Variants in EREG observed in about 807,000 individuals in gnomAD.
The protein encoded by EREG is epiregulin.
In EREG, 23 loss-of-function variants were observed where a neutral mutation model predicts 22.4. That is an observed-to-expected ratio of 1.03 (90% CI 0.74 to 1.46). The LOEUF (loss-of-function observed/expected upper bound fraction) is 1.46. EREG is among the 40% of genes most tolerant of loss of function. EREG has a pLI of 0.00. For synonymous variants in EREG, 100 were observed against 75.4 expected (o/e 1.33, Z -1.69); for missense variants, 226 against 205.9 (o/e 1.10, Z -0.60).
chr4:74,372,620 G>A (rs1752309320), intron 1 of EREG, among the ~76,000 whole-genome samples: 2 of 152,066 alleles, frequency 1.3e-5, no homozygotes. Flanking sequence ...AGGGAGTCAA[G>A]GTAGAAAAGG....
intron 1 of EREG, among the ~76,000 whole-genome samples, chr4:74,368,609 G>A (rs992842467): frequency 1.3e-5 from 2 of 152,112 alleles, no homozygotes; most frequent in African/African-American, 2.4e-5. Flanking sequence ...GAATTTGAAT[G>A]TTTTCTGTCT....
At chr4:74,371,725 A>T (rs142691348) in intron 1 of EREG, among the ~76,000 whole-genome samples, 4 of 152,316 alleles carry the variant, frequency 2.6e-5, no homozygotes, top group African/African-American at 9.6e-5. Context: ...CCTCAAAAAT[A>T]TAAATAGGTA....
At chr4:74,367,884 G>A (rs986946082) in intron 1 of EREG, among the ~76,000 whole-genome samples, 1 of 152,204 alleles carries the variant, frequency 6.6e-6, no homozygotes, top group African/African-American at 2.4e-5. Flanking sequence ...AAATCCAGGA[G>A]TTGAGAAGAA....
At chr4:74,377,411 A>T (rs757490344) in intron 1 of EREG, among the ~76,000 whole-genome samples, 3 of 152,150 alleles carry the variant, frequency 2.0e-5, no homozygotes, top group Non-Finnish European at 4.4e-5. Context: ...CCTATTTCCA[A>T]ATTCTATAAA....
chr4:74,378,499 C>T (rs532756715), intron 1 of EREG, among the ~76,000 whole-genome samples: 18 of 152,060 alleles, frequency 1.2e-4, no homozygotes, highest in Non-Finnish European at 1.6e-4. Context: ...TTCTGAAATT[C>T]GTTATTCCCC....
In EREG at chr4:74,387,475, T is replaced by C. The variant is rs1752588510; in HGVS notation, c.*2667T>C. The C allele has an allele frequency of 1.3e-5, 2 of 152,236 alleles. No individual in the cohort carries two copies. Among genetic ancestry groups the C allele is most frequent in the Non-Finnish European group, 2.9e-5 (2 of 68,044 alleles). 9.4% of individuals were successfully genotyped at this position (152,236 alleles called of 1,614,324 possible). Reference sequence around the variant, plus strand: ...AAACAAGTCATTTTTGTATTTTTCATCTTTAAGAATGCTTAAAAAAGCTAA... The same window carrying C: ...AAACAAGTCATTTTTGTATTTTTCACCTTTAAGAATGCTTAAAAAAGCTAA... On this transcript the variant is annotated 3_prime_UTR_variant, in exon 5 of 5. Coordinates refer to ENST00000244869, the MANE Select transcript of EREG (RefSeq NM_001432.3).
At chr4:74,384,667 C>A (rs1289197879) in intron 4 of EREG, 60 bp from the exon 5 acceptor site, 4 of 939,202 alleles carry the variant, frequency 4.3e-6, no homozygotes, top group Non-Finnish European at 5.2e-6. Flanking sequence ...CCATATATAA[C>A]ACACTTGTTC....
In EREG at chr4:74,374,938, T is replaced by G. The variant is rs190363531; in HGVS notation, c.68-4510T>G. Among the ~76,000 whole-genome samples, 109 of 152,314 alleles carry G rather than the reference T, an allele frequency of 7.2e-4. 3 individuals carry two copies. In the East Asian group the frequency reaches 0.013, roughly 18 times the overall value. ...CAATGACCTCTGAATGCATTTCCAT[T>G]TTTGCAGCTGTATTGTAAAAGAAGC... On this transcript the variant is annotated intron_variant, in intron 1 of 4. Coordinates refer to ENST00000244869, the MANE Select transcript of EREG (RefSeq NM_001432.3).
intron 1 of EREG, among the ~76,000 whole-genome samples, chr4:74,368,281 T>G (rs1421497976): frequency 6.6e-6 from 1 of 152,192 alleles, no homozygotes; most frequent in East Asian, 1.9e-4. Context: ...TATGTTGAAT[T>G]TTTACTTAAT....
chr4:74,378,111 C>T (rs57933408), intron 1 of EREG, among the ~76,000 whole-genome samples: 11,198 of 152,212 alleles, frequency 0.074, 706 homozygotes, highest in African/African-American at 0.17. Flanking sequence ...TTCAACGAAA[C>T]AGGTTGATTC....
intron 1 of EREG, among the ~76,000 whole-genome samples, chr4:74,377,212 A>G (rs938393494): frequency 2.0e-5 from 3 of 151,946 alleles, no homozygotes; most frequent in Admixed American, 6.6e-5. Context: ...CCAAAAATCT[A>G]TAAGATAGGA....
Position 74,379,860 on chromosome 4 carries a change from C to CA in EREG, c.154+330dup, listed in dbSNP as rs562089087. On this transcript the variant is annotated intron_variant, in intron 2 of 4. Coordinates refer to ENST00000244869, the MANE Select transcript of EREG (RefSeq NM_001432.3). ...GAGACCACACTGACTGGATTCCAGG[C>CA]AAAACAGCAAAACAGGAAAACTTTG... Among the ~76,000 whole-genome samples the CA allele has an allele frequency of 9.9e-5, 15 of 152,024 alleles. No homozygotes were observed. In the South Asian group the frequency reaches 2.9e-3, roughly 29 times the overall value.
intron 1 of EREG, among the ~76,000 whole-genome samples, chr4:74,375,941 T>G (rs2110386428): frequency 6.6e-6 from 1 of 152,310 alleles, no homozygotes; most frequent in South Asian, 2.1e-4. Context: ...GCTGTAGGAT[T>G]AATGCAGCAA....
intron 4 of EREG, among the ~76,000 whole-genome samples, chr4:74,383,003 T>C (rs1016315230): frequency 2.6e-5 from 4 of 152,156 alleles, no homozygotes; most frequent in Non-Finnish European, 5.9e-5. Flanking sequence ...CATCATACAA[T>C]ATATCCTGTT....
rs531290752 is a variant in EREG, at chr4:74,365,254, C to A, written c.-55C>A. ...CGAGCCCGTCTGCTCCCGCCCTGCC[C>A]GTGCACTCTCCGCAGCCGCCCTCCG... On this transcript the variant is annotated 5_prime_UTR_variant, in exon 1 of 5. Coordinates refer to ENST00000244869, the MANE Select transcript of EREG (RefSeq NM_001432.3). 8.3e-6 allele frequency: 12 copies of A among 1,438,724 alleles called. No individual in the cohort carries two copies. In the South Asian group the frequency reaches 9.3e-5, roughly 11 times the overall value. 89.1% of individuals were successfully genotyped at this position (1,438,724 alleles called of 1,614,324 possible). A position where few individuals can be genotyped will look rare whatever the true frequency, so the allele number is the denominator to read the frequency against.
chr4:74,370,079 C>G (rs889718709), intron 1 of EREG, among the ~76,000 whole-genome samples: 3 of 152,158 alleles, frequency 2.0e-5, no homozygotes, highest in African/African-American at 7.2e-5. Flanking sequence ...ACGCTTGTAT[C>G]CTTTACTGTC....
chr4:74,369,196 C>T (rs1001146433), intron 1 of EREG, among the ~76,000 whole-genome samples: 7 of 151,966 alleles, frequency 4.6e-5, no homozygotes, highest in Admixed American at 1.3e-4. Flanking sequence ...TTTTTTGTTA[C>T]GTGGGTGAAT....
chr4:74,382,680 A>C lies in EREG; in HGVS notation c.314A>C (p.His105Pro). The C allele has an allele frequency of 6.2e-7, 1 of 1,612,848 alleles. No homozygotes were observed. The highest frequency in any genetic ancestry group is 8.5e-7 in the Non-Finnish European group (1 of 1,179,270). ...GGTTATACTGGTGTCCGATGTGAAC[A>C]CTTCTTTTTAACCGTCCACCAACCT... ...EVGYTGVRCE[H>P]FFLTVHQPLS... Residue 105 changes from histidine to proline, a missense_variant, in exon 4 of 5, where the codon CAC (histidine) becomes CCC (proline). By Grantham distance (77) the His-to-Pro change is moderately conservative (BLOSUM62 -2). Transcript: ENST00000244869.
chr4:74,374,292 G>C (rs1269751709), intron 1 of EREG, among the ~76,000 whole-genome samples: 1 of 151,806 alleles, frequency 6.6e-6, no homozygotes, highest in African/African-American at 2.4e-5. Context: ...CAATTATTTT[G>C]CTGACTTGGC....
Sources: allele counts gnomAD v4.1 joint callset (sites outside exome capture counted in the v4.1 genomes callset), GRCh38; gene constraint gnomAD v4.1.1; transcripts MANE v1.5; gene names NCBI Gene and HGNC (gene_info 2026-07-23, HGNC 2026-07-21).